The following AP3S1 variants were observed in gnomAD, a reference collection of about 807,000 sequenced individuals.
AP3S1 encodes adaptor related protein complex 3 subunit sigma 1.
Under a neutral mutation model 21.3 loss-of-function variants are expected in AP3S1, and 12 were observed. That is an observed-to-expected ratio of 0.56 (90% confidence interval 0.36 to 0.91). AP3S1 has a LOEUF of 0.91. Among genes scored for constraint, AP3S1 ranks in the 40% least tolerant of loss-of-function variants. The pLI is 0.01. For missense variants in AP3S1, 116 were observed against 225.0 expected (o/e 0.52, Z 3.10); for synonymous variants, 48 against 78.4 (o/e 0.61, Z 2.05).
intron 5 of AP3S1, among the ~76,000 whole-genome samples, chr5:115,912,437 A>G (rs1340240440): frequency 9.9e-5 from 15 of 152,064 alleles, no homozygotes; most frequent in Non-Finnish European, 1.9e-4. Flanking sequence ...GTAGGTGAGA[A>G]AAATGATATG....
Position 115,901,507 on chromosome 5 carries a change from A to T in AP3S1, c.346-1378A>T, listed in dbSNP as rs192441019. On this transcript the variant is annotated intron_variant, in intron 4 of 5. Transcript: ENST00000316788. ...ATAAATTTGTCTTCAGAATTTGTGC[A>T]TGAGGTGTCCATGCTTCCAAAATGA... Among the ~76,000 whole-genome samples the T allele has an allele frequency of 5.6e-4, 83 of 149,018 alleles. 2 individuals are homozygous for T. The East Asian group carries it at 0.014, about 25-fold the overall frequency.
chr5:115,860,893 CT>C (rs1323114542), intron 1 of AP3S1, among the ~76,000 whole-genome samples: 1 of 152,240 alleles, frequency 6.6e-6, no homozygotes, highest in African/African-American at 2.4e-5. Flanking sequence ...ACTGCCTTAA[CT>C]TTATTGCCTT....
intron 1 of AP3S1, among the ~76,000 whole-genome samples, chr5:115,864,992 AGTACT>A (rs2112822769): frequency 6.6e-6 from 1 of 152,220 alleles, no homozygotes; most frequent in African/African-American, 2.4e-5. Flanking sequence ...AACAAGGATT[AGTACT>A]GTATAGAAAC....
intron 5 of AP3S1, among the ~76,000 whole-genome samples, chr5:115,905,311 A>T (rs1751555621): frequency 6.6e-6 from 1 of 152,240 alleles, no homozygotes. Context: ...AATAGTTATA[A>T]GAATACTATA....
At chr5:115,912,473 A>G (rs963616774) in intron 5 of AP3S1, among the ~76,000 whole-genome samples, 17 of 152,054 alleles carry the variant, frequency 1.1e-4, no homozygotes, top group Non-Finnish European at 1.5e-5. Flanking sequence ...ATTTGTAAGC[A>G]TATTTTCTTT....
chr5:115,856,477 G>A (rs1415092571), intron 1 of AP3S1, among the ~76,000 whole-genome samples: 1 of 150,564 alleles, frequency 6.6e-6, no homozygotes, highest in East Asian at 1.9e-4. Context: ...CTGTCTCCCA[G>A]GCTGGAATGC....
At chr5:115,896,390 G>A (rs75480138) in intron 4 of AP3S1, among the ~76,000 whole-genome samples, 3,693 of 152,254 alleles carry the variant, frequency 0.024, 72 homozygotes, top group Non-Finnish European at 0.037. Flanking sequence ...TGTTTTTAAT[G>A]TTCTACTGTT....
At chr5:115,912,089 C>T (rs1752156613) in intron 5 of AP3S1, 1 of 151,864 alleles carries the variant, frequency 6.6e-6, no homozygotes, top group African/African-American at 2.4e-5. Flanking sequence ...CTTTATTTAG[C>T]AAATAGTTTA....
At chr5:115,871,516 G>A (rs1319375343) in intron 3 of AP3S1, among the ~76,000 whole-genome samples, 2 of 152,062 alleles carry the variant, frequency 1.3e-5, no homozygotes, top group South Asian at 2.1e-4. Context: ...TTTTGAAGTC[G>A]TTAGACCTAT....
intron 2 of AP3S1, among the ~76,000 whole-genome samples, chr5:115,867,631 A>ATT (rs775832300): frequency 1.5e-4 from 23 of 152,306 alleles, no homozygotes; most frequent in Admixed American, 9.8e-4. Context: ...CTGTCCTTAA[A>ATT]TGTCCAATAC....
At chr5:115,864,258 T>C (rs1763432850) in intron 1 of AP3S1, among the ~76,000 whole-genome samples, 1 of 152,218 alleles carries the variant, frequency 6.6e-6, no homozygotes, top group Non-Finnish European at 1.5e-5. Flanking sequence ...AGTCCATAGA[T>C]ACTTTGTTCC....
chr5:115,899,260 T>G (rs1050604734), intron 4 of AP3S1, among the ~76,000 whole-genome samples: 3 of 152,220 alleles, frequency 2.0e-5, no homozygotes, highest in African/African-American at 7.2e-5. Context: ...AGACTCCTTT[T>G]ACTTTCACCA....
intron 5 of AP3S1, among the ~76,000 whole-genome samples, chr5:115,911,267 A>C (rs1752083889): frequency 6.6e-6 from 1 of 152,038 alleles, no homozygotes; most frequent in African/African-American, 2.4e-5. Context: ...ATGTACATTT[A>C]ATACTGAAAA....
intron 3 of AP3S1, among the ~76,000 whole-genome samples, chr5:115,892,565 A>G (rs1750404220): frequency 6.6e-6 from 1 of 152,194 alleles, no homozygotes; most frequent in African/African-American, 2.4e-5. Flanking sequence ...AGAAAGACAA[A>G]CATCATATGT....
chr5:115,842,754 AAAGG>A (rs1761719837), intron 1 of AP3S1, among the ~76,000 whole-genome samples: 1 of 152,196 alleles, frequency 6.6e-6, no homozygotes, highest in South Asian at 2.1e-4. Context: ...TCCTTATTGA[AAAGG>A]AAGATATGTG....
chr5:115,878,439 A>T (rs1748940309), intron 3 of AP3S1, among the ~76,000 whole-genome samples: 1 of 127,252 alleles, frequency 7.9e-6, no homozygotes. Flanking sequence ...TTTTCCCAAC[A>T]TCTATTAAAC....
intron 1 of AP3S1, chr5:115,853,131 C>A (rs942668589): frequency 1.6e-5 from 6 of 369,164 alleles, no homozygotes; most frequent in Non-Finnish European, 2.7e-5. Context: ...TCCTAACCAA[C>A]TCTTGTTATT....
intron 3 of AP3S1, among the ~76,000 whole-genome samples, chr5:115,885,284 T>C (rs931981017): frequency 6.6e-6 from 1 of 152,122 alleles, no homozygotes; most frequent in African/African-American, 2.4e-5. Flanking sequence ...CAATAGGCCG[T>C]CTGCAAGCTG....
chr5:115,894,180 T>C (rs942517747), intron 3 of AP3S1, among the ~76,000 whole-genome samples: 1 of 152,228 alleles, frequency 6.6e-6, no homozygotes. Flanking sequence ...CAGGTGTTCC[T>C]TTCTACTGGA....
Sources: gnomAD v4.1 joint callset for allele counts (sites outside exome capture counted in the v4.1 genomes callset) on GRCh38, gnomAD v4.1.1 for gene constraint, MANE v1.5 for transcripts, NCBI Gene and HGNC (gene_info 2026-07-23, HGNC 2026-07-21) for gene names.